The following CAMK2D variants were observed in gnomAD, a reference collection of about 807,000 sequenced individuals.
The protein encoded by CAMK2D is calcium/calmodulin dependent protein kinase II delta, also known as calcium/calmodulin-dependent protein kinase type II subunit delta.
In CAMK2D, 37 loss-of-function variants were observed where a neutral mutation model predicts 84.0. The ratio of observed to expected loss-of-function variants is 0.44; its 90% CI spans 0.34 to 0.58. CAMK2D has a LOEUF of 0.58. Ranked by LOEUF, CAMK2D falls within the 20% of genes least tolerant of loss-of-function variation. CAMK2D has a pLI of 0.02. For synonymous variants in CAMK2D, 202 were observed against 212.5 expected, an observed-to-expected ratio of 0.95 and a Z score of 0.43; for missense variants, 448 against 652.5, an observed-to-expected ratio of 0.69 and a Z score of 3.41.
At chr4:113,674,290 G>C (rs1031702294) in intron 2 of CAMK2D, among the ~76,000 whole-genome samples, 2 of 152,198 alleles carry the variant, frequency 1.3e-5, no homozygotes, top group East Asian at 3.9e-4. Context: ...AAATTCCCCA[G>C]ACTGAGCAGA....
intron 3 of CAMK2D, among the ~76,000 whole-genome samples, chr4:113,639,313 T>C (rs534766602): frequency 2.6e-5 from 4 of 152,192 alleles, no homozygotes; most frequent in South Asian, 2.1e-4. Flanking sequence ...TGGATATGAA[T>C]AGGCAAGATT....
intron 2 of CAMK2D, among the ~76,000 whole-genome samples, chr4:113,728,819 A>G (rs894198690): frequency 5.3e-5 from 8 of 152,168 alleles, no homozygotes; most frequent in African/African-American, 1.9e-4. Context: ...CAAATGAGAT[A>G]ATGGATAGGA....
chr4:113,562,933 C>T (rs1454077274), intron 4 of CAMK2D, among the ~76,000 whole-genome samples: 1 of 152,126 alleles, frequency 6.6e-6, no homozygotes, highest in Non-Finnish European at 1.5e-5. Flanking sequence ...AACAATACAA[C>T]AAGATAATCT....
intron 2 of CAMK2D, among the ~76,000 whole-genome samples, chr4:113,749,582 G>A (rs1470026345): frequency 2.0e-5 from 3 of 152,184 alleles, no homozygotes; most frequent in African/African-American, 7.2e-5. Flanking sequence ...AGATACCTCT[G>A]TAGAATGGAT....
intron 2 of CAMK2D, among the ~76,000 whole-genome samples, chr4:113,719,980 T>C (rs1395501448): frequency 1.3e-5 from 2 of 152,138 alleles, no homozygotes; most frequent in Non-Finnish European, 2.9e-5. Context: ...CCAGAGGTGA[T>C]TGATTAGAAT....
At chr4:113,730,018 G>A (rs939981688) in intron 2 of CAMK2D, among the ~76,000 whole-genome samples, 8 of 152,086 alleles carry the variant, frequency 5.3e-5, no homozygotes, top group African/African-American at 1.4e-4. Flanking sequence ...TAAGACACAC[G>A]TATTAACACC....
At chr4:113,671,635 A>C (rs865810932) in intron 2 of CAMK2D, among the ~76,000 whole-genome samples, 2 of 152,204 alleles carry the variant, frequency 1.3e-5, no homozygotes, top group African/African-American at 4.8e-5. Context: ...GTTTAGGTTT[A>C]ATAAAACATA....
chr4:113,574,849 A>G (rs571784022), intron 4 of CAMK2D, among the ~76,000 whole-genome samples: 1 of 152,348 alleles, frequency 6.6e-6, no homozygotes, highest in East Asian at 1.9e-4. Context: ...ATAAATGAAA[A>G]CATTAATCCC....
chr4:113,615,266 A>C (rs1336009725), intron 3 of CAMK2D, among the ~76,000 whole-genome samples: 1 of 152,084 alleles, frequency 6.6e-6, no homozygotes, highest in Non-Finnish European at 1.5e-5. Flanking sequence ...GTAAATTAAA[A>C]ATAATAAATA....
intron 8 of CAMK2D, among the ~76,000 whole-genome samples, chr4:113,521,244 A>G (rs1409920662): frequency 6.6e-6 from 1 of 152,132 alleles, no homozygotes; most frequent in East Asian, 1.9e-4. Context: ...TTTGATTATC[A>G]TTATCAATTC....
chr4:113,630,529 T>C (rs1293373276), intron 3 of CAMK2D, among the ~76,000 whole-genome samples: 1 of 152,070 alleles, frequency 6.6e-6, no homozygotes, highest in Non-Finnish European at 1.5e-5. Flanking sequence ...AGAAAAAAAG[T>C]CCCAAGACTA....
At chr4:113,621,475 T>C in intron 3 of CAMK2D, among the ~76,000 whole-genome samples, 1 of 152,200 alleles carries the variant, frequency 6.6e-6, no homozygotes, top group Non-Finnish European at 1.5e-5. Context: ...AAAACATTAA[T>C]AGAAAATATG....
intron 4 of CAMK2D, among the ~76,000 whole-genome samples, chr4:113,555,149 C>T (rs1312765980): frequency 1.3e-5 from 2 of 152,112 alleles, no homozygotes; most frequent in Non-Finnish European, 2.9e-5. Flanking sequence ...ATCCAGAATA[C>T]AACATTTGTA....
chr4:113,565,351 C>T (rs570597671), intron 4 of CAMK2D, among the ~76,000 whole-genome samples: 98 of 152,124 alleles, frequency 6.4e-4, no homozygotes, highest in African/African-American at 2.0e-3. Context: ...GTTACTTTCA[C>T]GCAGAAGTCA....
intron 7 of CAMK2D, among the ~76,000 whole-genome samples, chr4:113,533,251 A>G (rs1285197223): frequency 6.6e-6 from 1 of 152,168 alleles, no homozygotes; most frequent in East Asian, 1.9e-4. Context: ...TGAGCAGTCA[A>G]TGGGGTCCTT....
intron 2 of CAMK2D, among the ~76,000 whole-genome samples, chr4:113,664,684 T>C (rs1373326351): frequency 6.6e-6 from 1 of 152,130 alleles, no homozygotes; most frequent in Non-Finnish European, 1.5e-5. Context: ...TATCCCATCA[T>C]GTTTTCCATA....
chr4:113,494,790 A>C (rs1590149195), intron 16 of CAMK2D, among the ~76,000 whole-genome samples: 1 of 152,144 alleles, frequency 6.6e-6, no homozygotes, highest in South Asian at 2.1e-4. Context: ...GCAATCAGGG[A>C]GACTCCGTGG....
At chr4:113,692,677 T>A (rs545443541) in intron 2 of CAMK2D, among the ~76,000 whole-genome samples, 1 of 151,924 alleles carries the variant, frequency 6.6e-6, no homozygotes, top group Admixed American at 6.6e-5. Flanking sequence ...CATACATACA[T>A]ACTCATACAT....
intron 3 of CAMK2D, among the ~76,000 whole-genome samples, chr4:113,655,458 G>A (rs1013129918): frequency 2.0e-5 from 3 of 151,954 alleles, no homozygotes; most frequent in African/African-American, 7.2e-5. Context: ...AGATTCAAAA[G>A]GTTACATAGC....
Sources: gnomAD v4.1 joint callset for allele counts (sites outside exome capture counted in the v4.1 genomes callset) on GRCh38, gnomAD v4.1.1 for gene constraint, MANE v1.5 for transcripts, NCBI Gene and HGNC (gene_info 2026-07-23, HGNC 2026-07-21) for gene names.